The following RGS9 variants were observed in gnomAD, a reference collection of about 807,000 sequenced individuals.
The protein encoded by RGS9 is regulator of G protein signaling 9.
Under a neutral mutation model 102.0 loss-of-function variants are expected in RGS9, and 78 were observed. The observed-to-expected ratio is 0.76, with a 90% CI of 0.64 to 0.92. RGS9 has a LOEUF of 0.92. Among genes scored for constraint, RGS9 ranks in the 40% least tolerant of loss-of-function variants. RGS9 has a pLI of 0.00. For synonymous variants in RGS9, 353 were observed against 318.6 expected, an observed-to-expected ratio of 1.11 and a Z score of -1.15; for missense variants, 833 against 866.1, an observed-to-expected ratio of 0.96 and a Z score of 0.48.
rs146950844 is a variant in RGS9 at position 65,176,548 on chromosome 17, C to T, written c.583-1184C>T. ...ACTTTCCCAAAGCACTGCTCTGTCA[C>T]TTCACTTTTCCCGCCAAGCCCAAGA... On this transcript the variant is annotated intron_variant, in intron 8 of 18. Transcript: ENST00000262406. Among the ~76,000 whole-genome samples, 492 of 152,310 alleles carry T rather than the reference C, an allele frequency of 3.2e-3. 2 individuals carry two copies. Among genetic ancestry groups the T allele is most frequent in the African/African-American group, 0.011 (459 of 41,546 alleles).
intron 8 of RGS9, among the ~76,000 whole-genome samples, chr17:65,169,692 T>C (rs16960828): frequency 0.019 from 2,962 of 152,258 alleles, 114 homozygotes; most frequent in African/African-American, 0.067. Flanking sequence ...ACATGAAAAA[T>C]TGATCATCCG....
At chr17:65,147,568 T>TC (rs756614512) in intron 1 of RGS9, among the ~76,000 whole-genome samples, 6 of 148,636 alleles carry the variant, frequency 4.0e-5, no homozygotes, top group Non-Finnish European at 7.4e-5. Context: ...CCTGGATCAT[T>TC]CTCTCTCTCT....
At chr17:65,147,743 A>C (rs547514271) in intron 1 of RGS9, among the ~76,000 whole-genome samples, 2 of 151,824 alleles carry the variant, frequency 1.3e-5, no homozygotes, top group African/African-American at 4.8e-5. Context: ...AGCATGCGCC[A>C]TCACACCCAG....
At chr17:65,157,767 C>T (rs1385449768) in intron 2 of RGS9, among the ~76,000 whole-genome samples, 2 of 152,120 alleles carry the variant, frequency 1.3e-5, no homozygotes, top group Admixed American at 6.6e-5. Context: ...TCTGACTCCT[C>T]GGAGTTCTGC....
intron 15 of RGS9, among the ~76,000 whole-genome samples, chr17:65,205,758 T>C: frequency 6.6e-6 from 1 of 150,922 alleles, no homozygotes; most frequent in South Asian, 2.1e-4. Context: ...GGTTATATGA[T>C]ATACATTATA....
chr17:65,187,814 G>A (rs1046378103), intron 9 of RGS9, among the ~76,000 whole-genome samples: 1 of 152,190 alleles, frequency 6.6e-6, no homozygotes, highest in Non-Finnish European at 1.5e-5. Flanking sequence ...TGGCCAACAT[G>A]GTAAAACCCC....
intron 17 of RGS9, among the ~76,000 whole-genome samples, chr17:65,213,986 G>A (rs1470869404): frequency 6.6e-6 from 1 of 152,192 alleles, no homozygotes; most frequent in Non-Finnish European, 1.5e-5. Flanking sequence ...GTTTGAGACA[G>A]GGTCTTGCTC....
chr17:65,159,181 AC>A (rs34746708), intron 3 of RGS9, among the ~76,000 whole-genome samples: 1 of 136,122 alleles, frequency 7.3e-6, no homozygotes. Flanking sequence ...CCAGAGAACA[AC>A]CCCCCCTTTT....
intron 17 of RGS9, among the ~76,000 whole-genome samples, chr17:65,211,200 A>T (rs10514867): frequency 0.23 from 34,371 of 152,172 alleles, 6,402 homozygotes; most frequent in African/African-American, 0.51. Flanking sequence ...CATTCTGAGG[A>T]TCCGCCGAGG....
chr17:65,210,995 G>A (rs1913272135), intron 17 of RGS9, among the ~76,000 whole-genome samples: 1 of 152,080 alleles, frequency 6.6e-6, no homozygotes, highest in Non-Finnish European at 1.5e-5. Context: ...AGCTGTCTCA[G>A]TGAGAGCCAT....
At chr17:65,158,180 G>T (rs867252028) in intron 2 of RGS9, 115 bp from the exon 3 acceptor site, 13 of 957,534 alleles carry the variant, frequency 1.4e-5, no homozygotes, top group Non-Finnish European at 2.2e-5. Flanking sequence ...GGTTCTGAGC[G>T]AAGAGGAATG....
At chr17:65,201,134 T>C (rs199907405) in intron 13 of RGS9, among the ~76,000 whole-genome samples, 46 of 140,204 alleles carry the variant, frequency 3.3e-4, no homozygotes, top group African/African-American at 1.3e-3. Context: ...CACACACACT[T>C]GCTCTCTCTT....
chr17:65,210,427 G>A (rs1483667791), intron 16 of RGS9, 61 bp from the exon 17 acceptor site: 20 of 1,570,996 alleles, frequency 1.3e-5, no homozygotes, highest in Non-Finnish European at 1.7e-5. Context: ...AAGTGTGACA[G>A]GGTCAGTGTT....
At chr17:65,149,223 C>G (rs751351364) in intron 1 of RGS9, among the ~76,000 whole-genome samples, 1 of 152,128 alleles carries the variant, frequency 6.6e-6, no homozygotes, top group East Asian at 1.9e-4. Context: ...ATCCACCCGC[C>G]TTGGCCTCCT....
chr17:65,155,802 G>C (rs572715483), intron 2 of RGS9, among the ~76,000 whole-genome samples: 5 of 152,330 alleles, frequency 3.3e-5, no homozygotes, highest in Non-Finnish European at 1.5e-5. Context: ...TGAGTATGCA[G>C]TGGGTGCTGG....
intron 17 of RGS9, among the ~76,000 whole-genome samples, chr17:65,211,797 G>A (rs1053861338): frequency 1.3e-5 from 2 of 152,224 alleles, no homozygotes; most frequent in East Asian, 1.9e-4. Context: ...AACAGACGTG[G>A]TTCTCTCTCA....
chr17:65,183,447 G>A (rs767540460), intron 9 of RGS9, among the ~76,000 whole-genome samples: 17 of 152,056 alleles, frequency 1.1e-4, no homozygotes, highest in Non-Finnish European at 2.2e-4. Context: ...TTGAGACCAG[G>A]TTATAAGACT....
chr17:65,150,622 AAAAAAT>A (rs1351394824), intron 1 of RGS9, among the ~76,000 whole-genome samples: 1 of 152,152 alleles, frequency 6.6e-6, no homozygotes, highest in Non-Finnish European at 1.5e-5. Context: ...ACTCAGTCTA[AAAAAAT>A]AAAAATAAAA....
At position 65,158,318 on chromosome 17, in the gene RGS9, G is replaced by A. The variant is rs115440141; in HGVS notation, c.178G>A (p.Val60Ile). Residue 60 changes from valine to isoleucine, a missense_variant, in exon 3 of 19, where the codon GTC (valine) becomes ATC (isoleucine). Physicochemically the swap from Val to Ile is conservative, Grantham distance 29 (BLOSUM62 3). Transcript: ENST00000262406. ...MTGSDVLQWI[V>I]QRLWISSLEA... The stretch of plus-strand genomic sequence containing the variant: ...AGGAAGTGATGTTCTGCAATGGATC[G>A]TCCAGCGGCTTTGGATCTCCAGTCT... The A allele has an allele frequency of 7.8e-4, 1,254 of 1,614,160 alleles. 6 individuals are homozygous for A. In the African/African-American group the frequency reaches 0.014, roughly 18 times the overall value.
Sources: allele counts gnomAD v4.1 joint callset (sites outside exome capture counted in the v4.1 genomes callset), GRCh38; gene constraint gnomAD v4.1.1; transcripts MANE v1.5; gene names NCBI Gene and HGNC (gene_info 2026-07-23, HGNC 2026-07-21).